The following XIRP2 variants were observed in gnomAD, a reference collection of about 807,000 sequenced individuals.
XIRP2 encodes the protein xin actin binding repeat containing 2.
In XIRP2, 236 loss-of-function variants were observed where a neutral mutation model predicts 277.0. The observed-to-expected ratio is 0.85, with a 90% CI of 0.77 to 0.95. XIRP2 has a LOEUF of 0.95. XIRP2 is among the 40% of genes least tolerant of loss of function. XIRP2 has a pLI of 0.00. For missense variants in XIRP2, 4,640 were observed against 4,157.5 expected, an observed-to-expected ratio of 1.12 and a Z score of -3.19; for synonymous variants, 1,490 against 1,416.5, an observed-to-expected ratio of 1.05 and a Z score of -1.17.
chr2:167,109,563 G>A (rs990938074), intron 2 of XIRP2, among the ~76,000 whole-genome samples: 2 of 152,236 alleles, frequency 1.3e-5, no homozygotes, highest in African/African-American at 2.4e-5. Context: ...TTACAGGCAT[G>A]AGCCACTGTG....
At position 167,218,208 on chromosome 2, in the gene XIRP2, G is replaced by T; in HGVS notation, c.766G>T (p.Ala256Ser). ...AATGTGCGCAGTGCCTGGTGGTTTG[G>T]CCAAGGTGAAGAAACAATTTGAGGA... ...SEMCAVPGGL[A>S]KVKKQFEDEI... The change falls in exon 5 of 11, where the codon GCC becomes TCC. Residue 256 changes from alanine (A) to serine (S), a missense_variant. Coordinates refer to ENST00000409195, the MANE Select transcript of XIRP2 (RefSeq NM_152381.6). 6.2e-7 allele frequency: 1 copy of T among 1,606,482 alleles called. No homozygotes were observed. Among genetic ancestry groups the T allele is most frequent in the South Asian group, 1.1e-5 (1 of 89,766 alleles).
At chr2:167,095,795 A>G (rs1690292544) in intron 2 of XIRP2, among the ~76,000 whole-genome samples, 1 of 132,230 alleles carries the variant, frequency 7.6e-6, no homozygotes, top group Non-Finnish European at 1.6e-5. Context: ...TGTCTCTGCT[A>G]GGTTTTTCTT....
At chr2:167,094,926 A>G (rs1210883410) in intron 2 of XIRP2, among the ~76,000 whole-genome samples, 1 of 152,076 alleles carries the variant, frequency 6.6e-6, no homozygotes, top group African/African-American at 2.4e-5. Context: ...CATTTTCACT[A>G]TATTGTTTCT....
chr2:166,976,731 CA>C (rs200187750), intron 2 of XIRP2, among the ~76,000 whole-genome samples: 5,070 of 152,042 alleles, frequency 0.033, 106 homozygotes, highest in East Asian at 0.078. Context: ...AAAACAAAAA[CA>C]AAAAAACTAG....
intron 2 of XIRP2, among the ~76,000 whole-genome samples, chr2:166,963,198 C>T (rs1347448944): frequency 6.6e-6 from 1 of 151,552 alleles, no homozygotes; most frequent in Non-Finnish European, 1.5e-5. Flanking sequence ...AAACAAAAAT[C>T]ATCAATAAAA....
At chr2:166,978,779 G>A (rs1467263795) in intron 2 of XIRP2, among the ~76,000 whole-genome samples, 1 of 152,034 alleles carries the variant, frequency 6.6e-6, no homozygotes, top group African/African-American at 2.4e-5. Context: ...CCAGAAGTTT[G>A]AGACCAGCCT....
At chr2:166,997,311 A>T (rs1415386551) in intron 2 of XIRP2, among the ~76,000 whole-genome samples, 1 of 152,212 alleles carries the variant, frequency 6.6e-6, no homozygotes, top group Non-Finnish European at 1.5e-5. Flanking sequence ...GTTTACACAA[A>T]AATCCTCAGC....
chr2:166,913,426 C>A (rs142346843), intron 2 of XIRP2, among the ~76,000 whole-genome samples: 8 of 152,078 alleles, frequency 5.3e-5, no homozygotes, highest in African/African-American at 1.9e-4. Flanking sequence ...ATATAATCTC[C>A]TGGGGTGCCA....
chr2:166,950,779 T>G (rs1362156291), intron 2 of XIRP2, among the ~76,000 whole-genome samples: 1 of 152,070 alleles, frequency 6.6e-6, no homozygotes, highest in Non-Finnish European at 1.5e-5. Context: ...TTCTTGTTGT[T>G]ATGGTGAAGC....
intron 2 of XIRP2, among the ~76,000 whole-genome samples, chr2:166,974,085 A>T (rs1686649643): frequency 6.6e-6 from 1 of 152,190 alleles, no homozygotes; most frequent in African/African-American, 2.4e-5. Context: ...GTAGGCAAAC[A>T]CTGGGTGATA....
intron 2 of XIRP2, among the ~76,000 whole-genome samples, chr2:167,115,840 A>G (rs1690883617): frequency 6.6e-6 from 1 of 152,202 alleles, no homozygotes; most frequent in Admixed American, 6.5e-5. Context: ...AAGCTCTAGC[A>G]GATGTTCAAT....
intron 2 of XIRP2, among the ~76,000 whole-genome samples, chr2:166,916,538 A>G (rs1684884875): frequency 6.6e-6 from 1 of 152,226 alleles, no homozygotes; most frequent in Non-Finnish European, 1.5e-5. Context: ...ATTAAAATGC[A>G]GCTTAATATT....
At chr2:167,067,941 G>C (rs980594126) in intron 2 of XIRP2, among the ~76,000 whole-genome samples, 2 of 152,252 alleles carry the variant, frequency 1.3e-5, no homozygotes, top group Non-Finnish European at 2.9e-5. Flanking sequence ...CTCAGCCAAA[G>C]ACTTGGAAAG....
At chr2:167,212,303 C>G (rs963425452) in intron 4 of XIRP2, among the ~76,000 whole-genome samples, 1 of 151,974 alleles carries the variant, frequency 6.6e-6, no homozygotes, top group Non-Finnish European at 1.5e-5. Flanking sequence ...AAATGATTCA[C>G]GAGGAAACAG....
intron 2 of XIRP2, among the ~76,000 whole-genome samples, chr2:167,047,298 A>G (rs984394710): frequency 1.3e-5 from 2 of 151,954 alleles, no homozygotes; most frequent in Non-Finnish European, 2.9e-5. Flanking sequence ...ATAACAAAAT[A>G]TGTGATTAAA....
chr2:167,168,610 G>GTTTGTT (rs1447434547), intron 3 of XIRP2, among the ~76,000 whole-genome samples: 2 of 151,946 alleles, frequency 1.3e-5, no homozygotes, highest in African/African-American at 2.4e-5. Flanking sequence ...TTTTTTGTTT[G>GTTTGTT]TTTGTTTTTG....
At position 167,186,521 on chromosome 2, in the gene XIRP2, G is replaced by A. The variant is rs80027502; in HGVS notation, c.563-24214G>A. Among the ~76,000 whole-genome samples the A allele has an allele frequency of 5.8e-3, 878 of 152,228 alleles. 19 individuals are homozygous for A. Among genetic ancestry groups the A allele is most frequent in the Admixed American group, 0.039 (603 of 15,270 alleles). On this transcript the variant is annotated intron_variant, in intron 3 of 10. Transcript: ENST00000409195. ...AATCACAGAAGGGAGGAAAGATAAA[G>A]GAAGCTGGTTATTTTCTATTTACTG... is the stretch of plus-strand genomic sequence containing the variant.
At chr2:167,011,324 G>A (rs1188356117) in intron 2 of XIRP2, among the ~76,000 whole-genome samples, 2 of 151,732 alleles carry the variant, frequency 1.3e-5, no homozygotes, top group African/African-American at 4.8e-5. Context: ...CATCTATTGA[G>A]ATAATAATGT....
intron 3 of XIRP2, among the ~76,000 whole-genome samples, chr2:167,180,340 T>C (rs1692977875): frequency 6.6e-6 from 1 of 152,112 alleles, no homozygotes; most frequent in Non-Finnish European, 1.5e-5. Context: ...TGATCATACC[T>C]CTTCCTTCAT....
Sources: gnomAD v4.1 joint callset for allele counts (sites outside exome capture counted in the v4.1 genomes callset) on GRCh38, gnomAD v4.1.1 for gene constraint, MANE v1.5 for transcripts, NCBI Gene and HGNC (gene_info 2026-07-23, HGNC 2026-07-21) for gene names.